The following ADGRA3 variants were observed in gnomAD, a reference collection of about 807,000 sequenced individuals.
ADGRA3 encodes adhesion G protein-coupled receptor A3.
A neutral mutation model predicts 119.8 loss-of-function variants in ADGRA3; 56 were observed. The observed-to-expected ratio is 0.47, with a 90% CI of 0.38 to 0.58. ADGRA3 has a LOEUF of 0.58. Ranked by LOEUF, ADGRA3 falls within the 20% of genes least tolerant of loss-of-function variation. The probability of loss-of-function intolerance (pLI) is 0.00; values close to 1 mark genes in which losing one functional copy is unlikely to be tolerated. For synonymous variants in ADGRA3, 607 were observed against 623.8 expected, an observed-to-expected ratio of 0.97 and a Z score of 0.40; for missense variants, 1,516 against 1,649.0, an observed-to-expected ratio of 0.92 and a Z score of 1.40.
chr4:22,394,960 A>G (rs1054451024), intron 16 of ADGRA3: 1 of 152,174 alleles, frequency 6.6e-6, no homozygotes, highest in African/African-American at 2.4e-5. Context: ...AGATTTTTTA[A>G]TCTTTTGGAA....
chr4:22,508,278 C>A (rs1719315369), intron 1 of ADGRA3, among the ~76,000 whole-genome samples: 1 of 152,158 alleles, frequency 6.6e-6, no homozygotes, highest in Non-Finnish European at 1.5e-5. Flanking sequence ...AAGAATATCC[C>A]AGAATTTCCC....
intron 3 of ADGRA3, among the ~76,000 whole-genome samples, chr4:22,459,218 T>C (rs1481917003): frequency 2.6e-5 from 4 of 152,128 alleles, no homozygotes; most frequent in Non-Finnish European, 2.9e-5. Context: ...TAAAAAGGAA[T>C]AGGTTTTGCA....
At chr4:22,406,408 T>A (rs1357574732) in intron 14 of ADGRA3, among the ~76,000 whole-genome samples, 8 of 152,236 alleles carry the variant, frequency 5.3e-5, no homozygotes, top group Non-Finnish European at 1.5e-5. Context: ...AACTACTTTC[T>A]ATAATTATTG....
intron 4 of ADGRA3, among the ~76,000 whole-genome samples, chr4:22,453,031 T>A (rs995651662): frequency 4.6e-5 from 7 of 150,746 alleles, no homozygotes; most frequent in African/African-American, 1.7e-4. Flanking sequence ...ACCCCATCTC[T>A]ACTAAAAATA....
chr4:22,399,808 C>A (rs1241856665), intron 16 of ADGRA3, among the ~76,000 whole-genome samples: 1 of 149,754 alleles, frequency 6.7e-6, no homozygotes, highest in African/African-American at 2.5e-5. Flanking sequence ...TTTCTTTGGT[C>A]ATTTATTTTC....
At chr4:22,398,650 C>G (rs894994868) in intron 16 of ADGRA3, among the ~76,000 whole-genome samples, 2 of 151,764 alleles carry the variant, frequency 1.3e-5, no homozygotes, top group Non-Finnish European at 2.9e-5. Context: ...TAAAAAAAAA[C>G]AAATGGTGAA....
chr4:22,388,419 T>TC lies in ADGRA3; in HGVS notation c.3251dup (p.Glu1085ArgfsTer8). 1 of 1,614,062 alleles carries TC rather than the reference T, an allele frequency of 6.2e-7. No individual in the cohort carries two copies. The highest frequency in any genetic ancestry group is 8.5e-7 in the Non-Finnish European group (1 of 1,179,992). ...TGCTATTGGGGCATTTGGGTGCCTCTCCATTCGTCCCATTAGAGTTGGGGG... is the reference window on the plus strand; with the variant it reads ...TGCTATTGGGGCATTTGGGTGCCTCTCCCATTCGTCCCATTAGAGTTGGGGG... On this transcript the variant is annotated frameshift_variant, in exon 19 of 19. Transcript: ENST00000334304. LOFTEE classifies it high-confidence loss of function.
chr4:22,488,623 C>T (rs759025834), intron 1 of ADGRA3, among the ~76,000 whole-genome samples: 6 of 152,106 alleles, frequency 3.9e-5, no homozygotes, highest in Non-Finnish European at 7.3e-5. Flanking sequence ...CCAAAGAAAA[C>T]GTGGGAACAA....
chr4:22,393,881 GT>G (rs1382672861), intron 16 of ADGRA3: 1 of 152,166 alleles, frequency 6.6e-6, no homozygotes, highest in Non-Finnish European at 1.5e-5. Flanking sequence ...TAGGTGCTCA[GT>G]AAGTATAGGA....
rs182864669 is a variant in ADGRA3, at chr4:22,454,791, A to G, written c.473+75T>C. 1.9e-4 allele frequency: 206 copies of G among 1,070,986 alleles called. 1 individual carries two copies. In the East Asian group the frequency reaches 4.0e-3, roughly 21 times the overall value. 66.3% of individuals were successfully genotyped at this position (1,070,986 alleles called of 1,614,324 possible). A position where few individuals can be genotyped will look rare whatever the true frequency, so the allele number is the denominator to read the frequency against. ...ACAGTTGCTACTTATAATTAAATAC[A>G]TAAGTTTCATACATATTTAGGTACT... On this transcript the variant is annotated intron_variant, in intron 4 of 18. Transcript: ENST00000334304.
At chr4:22,498,907 C>T (rs1264339951) in intron 1 of ADGRA3, among the ~76,000 whole-genome samples, 1 of 109,604 alleles carries the variant, frequency 9.1e-6, no homozygotes, top group Non-Finnish European at 1.8e-5. Context: ...CAGCGAGACT[C>T]GTCTCAAAAA....
chr4:22,485,784 G>A (rs892680994), intron 1 of ADGRA3, among the ~76,000 whole-genome samples: 1 of 152,108 alleles, frequency 6.6e-6, no homozygotes, highest in Non-Finnish European at 1.5e-5. Context: ...CTATACAGTC[G>A]CCCACTATAT....
chr4:22,515,674 C>CGCG lies in ADGRA3; in HGVS notation c.108_110dup (p.Ala38dup). ...CGTGCTTGCAGCCGGCGGGCAGCGC[C>CGCG]GCGGCGCCGCCGCCGCCGCCGCCTC... On this transcript the variant is annotated inframe_insertion, in exon 1 of 19. Transcript: ENST00000334304. 1.7e-6 allele frequency: 2 copies of CGCG among 1,154,444 alleles called. No individual in the cohort carries two copies. Among genetic ancestry groups the CGCG allele is most frequent in the South Asian group, 4.1e-5 (1 of 24,310 alleles). 71.5% of individuals were successfully genotyped at this position (1,154,444 alleles called of 1,614,324 possible). A position where few individuals can be genotyped will look rare whatever the true frequency, so the allele number is the denominator to read the frequency against.
At position 22,442,860 on chromosome 4, in the gene ADGRA3, G is replaced by A. The variant is rs560712931; in HGVS notation, c.710C>T (p.Pro237Leu). 29 of 1,610,052 alleles carry A rather than the reference G, an allele frequency of 1.8e-5. No homozygotes were observed. The African/African-American group carries it at 2.0e-4, about 11-fold the overall frequency. ...GTAGAAAGACGGCAATTCAAGCGGA[G>A]GGTCTAGAGACAATCAAACAAAGAT... ...GVKQELLTCD[P>L]PLELPSFYMT... The change falls in exon 7 of 19, where the codon CCT becomes CTT. Residue 237 changes from proline to leucine, a missense_variant. Physicochemically the swap from Pro to Leu is moderately conservative, Grantham distance 98. Transcript: ENST00000334304.
rs189244942 is a variant in ADGRA3 at position 22,506,420 on chromosome 4, G to A, written c.257+9108C>T. Among the ~76,000 whole-genome samples the A allele has an allele frequency of 2.6e-5, 4 of 152,218 alleles. No homozygotes were observed. The East Asian group carries it at 7.8e-4, about 30-fold the overall frequency. ...ATACAAAACTTAGCCAGGCATGGTG[G>A]TGCGTGTCTGTGGTCCCAGCTACTC... On this transcript the variant is annotated intron_variant, in intron 1 of 18. Coordinates refer to ENST00000334304, the MANE Select transcript of ADGRA3 (RefSeq NM_145290.4).
In ADGRA3 at chr4:22,420,892, T is replaced by C. The variant is rs776068926; in HGVS notation, c.1803A>G (p.Ala601=). The C allele has an allele frequency of 1.2e-6, 2 of 1,613,644 alleles. No individual in the cohort carries two copies. Among genetic ancestry groups the C allele is most frequent in the Non-Finnish European group, 1.7e-6 (2 of 1,179,528 alleles). ...CNVSNTFSSL[A]LKNTIVEASI... is the part of the protein sequence containing the mutation. ...ATTGCAGAATGTAACATACCTTTAG[T>C]GCCAGACTCGAAAATGTATTTGAAA... Residue 601 remains alanine, a synonymous_variant, in exon 12 of 19, where the codon GCA becomes GCG. Coordinates refer to ENST00000334304, the MANE Select transcript of ADGRA3 (RefSeq NM_145290.4).
At chr4:22,491,505 C>G (rs1457485714) in intron 1 of ADGRA3, among the ~76,000 whole-genome samples, 1 of 152,152 alleles carries the variant, frequency 6.6e-6, no homozygotes, top group South Asian at 2.1e-4. Context: ...CAGTGTCTGT[C>G]CCTTCAGAGT....
intron 1 of ADGRA3, among the ~76,000 whole-genome samples, chr4:22,512,404 G>C (rs10222757): frequency 1 from 152,242 of 152,262 alleles, 76,111 homozygotes; most frequent in Non-Finnish European, 1. Flanking sequence ...AGAAGAAAGA[G>C]CATGTTTTTA....
At chr4:22,411,163 A>C (rs1218585271) in intron 14 of ADGRA3, among the ~76,000 whole-genome samples, 1 of 152,232 alleles carries the variant, frequency 6.6e-6, no homozygotes, top group East Asian at 1.9e-4. Context: ...TATTTTGCTC[A>C]ATTTTTTCTT....
Sources: gnomAD v4.1 joint callset for allele counts (sites outside exome capture counted in the v4.1 genomes callset) on GRCh38, gnomAD v4.1.1 for gene constraint, MANE v1.5 for transcripts, NCBI Gene and HGNC (gene_info 2026-07-23, HGNC 2026-07-21) for gene names.